DOCK2: variants seen among roughly 807,000 people sequenced by gnomAD.
The protein encoded by DOCK2 is dedicator of cytokinesis protein 2.
In DOCK2, 87 loss-of-function variants were observed where a neutral mutation model predicts 248.9. The observed-to-expected ratio is 0.35, with a 90% CI of 0.29 to 0.42. The LOEUF is 0.42. Among genes scored for constraint, DOCK2 ranks in the 10% least tolerant of loss-of-function variants. The probability of loss-of-function intolerance (pLI) is 1.00; values close to 1 mark genes in which losing one functional copy is unlikely to be tolerated. For synonymous variants in DOCK2, 805 were observed against 821.6 expected (o/e 0.98, Z 0.35); for missense variants, 1,747 against 2,300.2 (o/e 0.76, Z 4.92).
At chr5:169,689,104 G>A (rs1188289028) in intron 8 of DOCK2, 148 bp from the exon 9 acceptor site, 13 of 653,666 alleles carry the variant, frequency 2.0e-5, no homozygotes, top group Admixed American at 8.1e-5. Context: ...GTGATCTCTC[G>A]GAGGGAAGGA....
At position 169,900,030 on chromosome 5, in the gene DOCK2, C is replaced by A. The variant is rs185383878; in HGVS notation, c.2799+59178C>A. On this transcript the variant is annotated intron_variant, in intron 27 of 51. Coordinates refer to ENST00000520908, the MANE Select transcript of DOCK2 (RefSeq NM_004946.3). Reference sequence around the variant, plus strand: ...TCCAGCACTCGAAACCACAAGCTGTCTTTTCTCTTCTTTCCTCCTTCCCTC... The same window carrying A: ...TCCAGCACTCGAAACCACAAGCTGTATTTTCTCTTCTTTCCTCCTTCCCTC... Among the ~76,000 whole-genome samples, 64 of 152,326 alleles carry A rather than the reference C, an allele frequency of 4.2e-4. 1 individual carries two copies. The highest frequency in any genetic ancestry group is 1.5e-3 in the African/African-American group (64 of 41,572).
At chr5:170,015,710 C>A (rs755927194) in intron 32 of DOCK2, among the ~76,000 whole-genome samples, 17 of 152,208 alleles carry the variant, frequency 1.1e-4, no homozygotes, top group Admixed American at 5.2e-4. Flanking sequence ...TTTGGAGAGA[C>A]CTTTCTGTTA....
intron 2 of DOCK2, 61 bp from the exon 3 acceptor site, chr5:169,669,227 A>G (rs1413939455): frequency 1.2e-6 from 2 of 1,608,070 alleles, no homozygotes; most frequent in Non-Finnish European, 1.7e-6. Flanking sequence ...ACAAAACAGA[A>G]AAACACTAGC....
chr5:170,035,917 A>G (rs1297136397), intron 35 of DOCK2, among the ~76,000 whole-genome samples: 1 of 152,168 alleles, frequency 6.6e-6, no homozygotes, highest in East Asian at 1.9e-4. Flanking sequence ...AAAATGCCAC[A>G]GGATTAGGAT....
chr5:169,887,661 T>C (rs1385543554), intron 27 of DOCK2, among the ~76,000 whole-genome samples: 1 of 152,268 alleles, frequency 6.6e-6, no homozygotes, highest in African/African-American at 2.4e-5. Context: ...AAATATTTGG[T>C]ATTATTTAAA....
intron 25 of DOCK2, among the ~76,000 whole-genome samples, chr5:169,799,730 C>G (rs1766852474): frequency 6.6e-6 from 1 of 152,140 alleles, no homozygotes. Context: ...TTTTCTCCAA[C>G]TTTCTTCCTT....
chr5:169,711,182 AG>A (rs1164750646), intron 15 of DOCK2, among the ~76,000 whole-genome samples: 2 of 152,244 alleles, frequency 1.3e-5, no homozygotes, highest in Non-Finnish European at 2.9e-5. Context: ...GCATCTGTAC[AG>A]TACAAATGTA....
chr5:169,860,278 C>T (rs1429729319), intron 27 of DOCK2, among the ~76,000 whole-genome samples: 1 of 152,018 alleles, frequency 6.6e-6, no homozygotes, highest in East Asian at 1.9e-4. Context: ...CTTCCCTTGC[C>T]CCGAGAAAAA....
intron 27 of DOCK2, chr5:169,864,530 C>A (rs1771415772): frequency 2.5e-6 from 3 of 1,187,536 alleles, no homozygotes; most frequent in African/African-American, 3.1e-5. Context: ...ATCTCTCAGC[C>A]CCAACTAATA....
chr5:169,806,477 G>A (rs1353216468), intron 26 of DOCK2, among the ~76,000 whole-genome samples: 2 of 152,014 alleles, frequency 1.3e-5, no homozygotes, highest in African/African-American at 4.8e-5. Context: ...CAGCCAAATG[G>A]GTAGGAAGAT....
At chr5:169,811,950 G>A (rs1303427399) in intron 26 of DOCK2, among the ~76,000 whole-genome samples, 3 of 152,214 alleles carry the variant, frequency 2.0e-5, no homozygotes, top group Non-Finnish European at 4.4e-5. Flanking sequence ...TTTAGAAATT[G>A]CCTAACATGT....
chr5:170,057,191 G>A, intron 43 of DOCK2: 1 of 366,238 alleles, frequency 2.7e-6, no homozygotes, highest in Non-Finnish European at 5.1e-6. Flanking sequence ...GATTAAGGAG[G>A]TGTCTCCAAG....
chr5:169,886,953 A>G (rs936925713), intron 27 of DOCK2, among the ~76,000 whole-genome samples: 3 of 152,172 alleles, frequency 2.0e-5, no homozygotes, highest in Non-Finnish European at 4.4e-5. Context: ...CCTTAATCCT[A>G]TGACACTCGT....
At chr5:169,796,645 C>T (rs550628508) in intron 25 of DOCK2, among the ~76,000 whole-genome samples, 4 of 152,166 alleles carry the variant, frequency 2.6e-5, no homozygotes, top group East Asian at 1.9e-4. Flanking sequence ...GGAAATATAT[C>T]GAAATATATT....
intron 16 of DOCK2, 50 bp from the exon 17 acceptor site, chr5:169,712,070 G>C: frequency 5.0e-6 from 8 of 1,613,616 alleles, no homozygotes; most frequent in Non-Finnish European, 6.8e-6. Context: ...TGGAAGAGCT[G>C]GGTGGCCCAT....
At chr5:169,640,144 G>A (rs1017081950) in intron 1 of DOCK2, among the ~76,000 whole-genome samples, 4 of 152,166 alleles carry the variant, frequency 2.6e-5, no homozygotes, top group Non-Finnish European at 4.4e-5. Flanking sequence ...CTTTATCTCC[G>A]AATATGCACT....
intron 25 of DOCK2, among the ~76,000 whole-genome samples, chr5:169,778,404 G>A (rs748485940): frequency 5.9e-5 from 9 of 152,184 alleles, no homozygotes; most frequent in South Asian, 2.1e-4. Flanking sequence ...GGCTGCACTC[G>A]AGGATTTGGA....
intron 32 of DOCK2, 40 bp downstream of exon 32, chr5:170,008,786 C>T: frequency 6.2e-7 from 1 of 1,611,426 alleles, no homozygotes. Context: ...CATCTGCAGG[C>T]ACCAAACTCC....
At chr5:169,784,417 G>C (rs948142937) in intron 25 of DOCK2, among the ~76,000 whole-genome samples, 2 of 152,164 alleles carry the variant, frequency 1.3e-5, no homozygotes, top group Non-Finnish European at 1.5e-5. Flanking sequence ...CCTGCCCAAG[G>C]TCACACCACA....
Sources: gnomAD v4.1 joint callset for allele counts (sites outside exome capture counted in the v4.1 genomes callset) on GRCh38, gnomAD v4.1.1 for gene constraint, MANE v1.5 for transcripts, NCBI Gene and HGNC (gene_info 2026-07-23, HGNC 2026-07-21) for gene names.